The following MMP26 variants were observed in gnomAD, a reference collection of about 807,000 sequenced individuals.
MMP26 encodes the protein matrix metalloproteinase-26.
A neutral mutation model predicts 31.0 loss-of-function variants in MMP26; 33 were observed. The observed-to-expected ratio is 1.06, with a 90% confidence interval of 0.81 to 1.42. MMP26 has a LOEUF of 1.42. MMP26 is among the 40% of genes most tolerant of loss of function. The pLI is 0.00. For synonymous variants in MMP26, 122 were observed against 114.9 expected (o/e 1.06, Z -0.40); for missense variants, 347 against 316.1 (o/e 1.10, Z -0.74).
chr11:4,798,519 A>T (rs989807449), intron 2 of MMP26, among the ~76,000 whole-genome samples: 1 of 152,222 alleles, frequency 6.6e-6, no homozygotes, highest in Non-Finnish European at 1.5e-5. Flanking sequence ...TCTACTCTCC[A>T]TTGAACGGAA....
chr11:4,818,914 A>G (rs1413516376), intron 2 of MMP26, among the ~76,000 whole-genome samples: 13 of 152,212 alleles, frequency 8.5e-5, no homozygotes. Flanking sequence ...TACATTTGGA[A>G]AAGAGTATTT....
At chr11:4,900,974 A>G (rs911105833) in intron 2 of MMP26, among the ~76,000 whole-genome samples, 1 of 152,072 alleles carries the variant, frequency 6.6e-6, no homozygotes, top group South Asian at 2.1e-4. Flanking sequence ...TAACACATCT[A>G]CAGTTCATTT....
chr11:4,933,652 C>T (rs1397476779), intron 2 of MMP26, among the ~76,000 whole-genome samples: 4 of 151,050 alleles, frequency 2.6e-5, no homozygotes, highest in East Asian at 3.9e-4. Flanking sequence ...ATACATGTGC[C>T]GTGCTGGTGC....
chr11:4,850,400 G>A (rs1849958603), intron 2 of MMP26, among the ~76,000 whole-genome samples: 1 of 152,152 alleles, frequency 6.6e-6, no homozygotes, highest in Non-Finnish European at 1.5e-5. Flanking sequence ...TAAGTCAGTT[G>A]TTGGTGCCAC....
chr11:4,774,734 T>A (rs2074378553), intron 2 of MMP26, among the ~76,000 whole-genome samples: 1 of 152,168 alleles, frequency 6.6e-6, no homozygotes, highest in African/African-American at 2.4e-5. Context: ...TTGCCTAGAT[T>A]TTCTTCTAGG....
intron 2 of MMP26, among the ~76,000 whole-genome samples, chr11:4,789,529 ACT>A (rs1848993153): frequency 2.2e-5 from 1 of 44,828 alleles, no homozygotes; most frequent in Non-Finnish European, 4.3e-5. Flanking sequence ...ATATCCCCCC[ACT>A]TTTTTTTTTT....
At chr11:4,959,160 T>C (rs915795467) in intron 2 of MMP26, among the ~76,000 whole-genome samples, 7 of 135,176 alleles carry the variant, frequency 5.2e-5, no homozygotes, top group Admixed American at 2.7e-4. Flanking sequence ...ACGGCGTGAA[T>C]ACGGGAGGCG....
chr11:4,888,595 T>C (rs1850575270), intron 2 of MMP26, among the ~76,000 whole-genome samples: 1 of 152,176 alleles, frequency 6.6e-6, no homozygotes, highest in African/African-American at 2.4e-5. Context: ...ACAATCATCC[T>C]TCTGTTCTTT....
At chr11:4,825,721 G>A (rs529671830) in intron 2 of MMP26, among the ~76,000 whole-genome samples, 1 of 152,192 alleles carries the variant, frequency 6.6e-6, no homozygotes, top group South Asian at 2.1e-4. Flanking sequence ...GAATTTCAAG[G>A]ATTATTGTCA....
intron 2 of MMP26, among the ~76,000 whole-genome samples, chr11:4,935,746 G>A (rs1277649738): frequency 2.7e-5 from 4 of 149,974 alleles, no homozygotes; most frequent in African/African-American, 4.9e-5. Context: ...TTTGAAATAC[G>A]TCCCATCAAT....
intron 2 of MMP26, among the ~76,000 whole-genome samples, chr11:4,800,880 G>GTCCAC: frequency 8.2e-6 from 1 of 122,376 alleles, no homozygotes; most frequent in African/African-American, 4.6e-5. Context: ...AACTTTCATA[G>GTCCAC]GTCCCTAGGA....
chr11:4,789,557 T>TC (rs1848994531), intron 2 of MMP26, among the ~76,000 whole-genome samples: 1 of 138,334 alleles, frequency 7.2e-6, no homozygotes, highest in Non-Finnish European at 1.5e-5. Context: ...TTTTTTTTTT[T>TC]TTGAGATGGA....
At chr11:4,933,177 A>G (rs757635086) in intron 2 of MMP26, among the ~76,000 whole-genome samples, 1 of 152,096 alleles carries the variant, frequency 6.6e-6, no homozygotes, top group Non-Finnish European at 1.5e-5. Flanking sequence ...ATTAAAGGTG[A>G]CAATGTGTGT....
At chr11:4,945,933 A>G (rs1203437671) in intron 2 of MMP26, 2 of 545,114 alleles carry the variant, frequency 3.7e-6, no homozygotes, top group South Asian at 4.4e-5. Flanking sequence ...CGGAGATGCT[A>G]TCATAAGACA....
chr11:4,717,759 A>G (rs879367319), intron 1 of MMP26, among the ~76,000 whole-genome samples: 3 of 152,194 alleles, frequency 2.0e-5, no homozygotes, highest in Non-Finnish European at 4.4e-5. Context: ...TTGTTACTTT[A>G]GAGATGGGGA....
intron 2 of MMP26, among the ~76,000 whole-genome samples, chr11:4,866,664 C>T (rs192118165): frequency 1.5e-3 from 222 of 152,192 alleles, no homozygotes; most frequent in African/African-American, 4.0e-3. Context: ...GGAGGCATTA[C>T]GCCACCTGAC....
chr11:4,710,408 T>A (rs1257176996), intron 1 of MMP26: 1 of 456,910 alleles, frequency 2.2e-6, no homozygotes, highest in Non-Finnish European at 4.4e-6. Context: ...TCATTGCCAA[T>A]GTTTATCTGC....
chr11:4,707,693 T>A (rs1190694425), intron 1 of MMP26, among the ~76,000 whole-genome samples: 1 of 152,224 alleles, frequency 6.6e-6, no homozygotes, highest in Non-Finnish European at 1.5e-5. Context: ...TATGATTGCA[T>A]GAATTTAACT....
intron 2 of MMP26, among the ~76,000 whole-genome samples, chr11:4,870,809 T>A (rs144050064): frequency 6.6e-5 from 10 of 152,254 alleles, no homozygotes; most frequent in Non-Finnish European, 1.3e-4. Context: ...AGTGGAGTTA[T>A]CAAGTAGGAA....
Sources: allele counts gnomAD v4.1 joint callset (sites outside exome capture counted in the v4.1 genomes callset), GRCh38; gene constraint gnomAD v4.1.1; transcripts MANE v1.5; gene names NCBI Gene and HGNC (gene_info 2026-07-23, HGNC 2026-07-21).